EYS: variants seen among roughly 807,000 people sequenced by gnomAD.
The protein encoded by EYS is EGF-like photoreceptor maintenance factor.
In EYS, 250 loss-of-function variants were observed where a neutral mutation model predicts 282.1. The observed-to-expected ratio is 0.89, with a 90% CI of 0.80 to 0.98. EYS has a LOEUF of 0.98. Ranked by LOEUF, EYS falls within the 50% of genes least tolerant of loss-of-function variation. The pLI is 0.00. For synonymous variants in EYS, 1,355 were observed against 1,282.9 expected (o/e 1.06, Z -1.20); for missense variants, 4,016 against 3,709.0 (o/e 1.08, Z -2.15).
intron 2 of EYS, among the ~76,000 whole-genome samples, chr6:65,562,453 G>C (rs2127346174): frequency 6.6e-6 from 1 of 152,058 alleles, no homozygotes; most frequent in South Asian, 2.1e-4. Flanking sequence ...AGAATGGAAA[G>C]AATGAAAGGA....
At chr6:64,110,016 T>C (rs74982455) in intron 31 of EYS, among the ~76,000 whole-genome samples, 1 of 152,218 alleles carries the variant, frequency 6.6e-6, no homozygotes, top group East Asian at 1.9e-4. Flanking sequence ...CAGCTAGAGA[T>C]TGCAAACACA....
chr6:65,125,518 T>C (rs1310509344), intron 12 of EYS, among the ~76,000 whole-genome samples: 1 of 152,218 alleles, frequency 6.6e-6, no homozygotes, highest in Non-Finnish European at 1.5e-5. Flanking sequence ...TATTTCAATG[T>C]TACCAATGTT....
intron 36 of EYS, among the ~76,000 whole-genome samples, chr6:63,808,174 G>C (rs969961133): frequency 1.3e-5 from 2 of 152,108 alleles, no homozygotes; most frequent in African/African-American, 4.8e-5. Flanking sequence ...CATTTATTCA[G>C]CTGAACTGGA....
At chr6:64,668,045 G>A (rs1479406732) in intron 22 of EYS, among the ~76,000 whole-genome samples, 1 of 152,110 alleles carries the variant, frequency 6.6e-6, no homozygotes, top group Non-Finnish European at 1.5e-5. Context: ...TAACTTCTCA[G>A]ATAAGGTTAC....
At chr6:65,705,176 A>C (rs1769831235) in intron 1 of EYS, among the ~76,000 whole-genome samples, 1 of 152,208 alleles carries the variant, frequency 6.6e-6, no homozygotes, top group Admixed American at 6.5e-5. Context: ...GATTTTCATT[A>C]AGATTATTAA....
chr6:65,190,508 A>G (rs1765617084), intron 12 of EYS, among the ~76,000 whole-genome samples: 1 of 151,528 alleles, frequency 6.6e-6, no homozygotes, highest in Non-Finnish European at 1.5e-5. Flanking sequence ...TGTCTGACGA[A>G]TAAGTTGTCT....
At chr6:63,982,522 T>A (rs1767146568) in intron 35 of EYS, among the ~76,000 whole-genome samples, 1 of 151,878 alleles carries the variant, frequency 6.6e-6, no homozygotes, top group African/African-American at 2.4e-5. Context: ...TCTTGTTGGC[T>A]GGAGGCTGCC....
chr6:64,030,938 G>A (rs577213643), intron 33 of EYS, among the ~76,000 whole-genome samples: 352 of 152,350 alleles, frequency 2.3e-3, no homozygotes, highest in African/African-American at 7.9e-3. Flanking sequence ...TAGCTAGAGC[G>A]GTCATCGGCC....
At chr6:64,307,655 A>T (rs1235813012) in intron 29 of EYS, among the ~76,000 whole-genome samples, 1 of 152,128 alleles carries the variant, frequency 6.6e-6, no homozygotes, top group Non-Finnish European at 1.5e-5. Flanking sequence ...CATGAGGATT[A>T]TAGTTAAAAA....
At chr6:64,803,148 G>C (rs1211381298) in intron 22 of EYS, among the ~76,000 whole-genome samples, 2 of 152,196 alleles carry the variant, frequency 1.3e-5, no homozygotes, top group African/African-American at 4.8e-5. Flanking sequence ...ACAGCTCTTA[G>C]GAGGCCCGAA....
Position 64,493,556 on chromosome 6 carries a change from C to T in EYS, c.5645-54204G>A, listed in dbSNP as rs555861843. On this transcript the variant is annotated intron_variant, in intron 26 of 42. Transcript: ENST00000503581. ...CAGAATTTTTCTAACCTCCTGCAGT[C>T]TTTCTATATCAGTAGGTCCCCTTCA... Among the ~76,000 whole-genome samples, 3 of 151,642 alleles carry T rather than the reference C, an allele frequency of 2.0e-5. No homozygotes were observed. The Admixed American group carries it at 2.0e-4, about 10-fold the overall frequency.
intron 26 of EYS, among the ~76,000 whole-genome samples, chr6:64,580,773 A>G (rs945200291): frequency 6.6e-6 from 1 of 152,142 alleles, no homozygotes; most frequent in African/African-American, 2.4e-5. Context: ...GTCCATTTAG[A>G]GAGAACTGCA....
At chr6:64,031,943 C>G (rs1318805753) in intron 33 of EYS, among the ~76,000 whole-genome samples, 1 of 152,202 alleles carries the variant, frequency 6.6e-6, no homozygotes, top group African/African-American at 2.4e-5. Flanking sequence ...CCCTTCCACA[C>G]TGTGGAAGCT....
intron 31 of EYS, among the ~76,000 whole-genome samples, chr6:64,175,538 G>A (rs1314777545): frequency 6.6e-6 from 1 of 152,164 alleles, no homozygotes; most frequent in Non-Finnish European, 1.5e-5. Context: ...ATAAGGGGAG[G>A]TAATTCATTC....
intron 30 of EYS, among the ~76,000 whole-genome samples, chr6:64,264,192 T>A (rs536597690): frequency 1.8e-4 from 28 of 152,278 alleles, no homozygotes; most frequent in Middle Eastern, 3.4e-3. Context: ...ATGTACTAGC[T>A]AATAGTGATT....
intron 13 of EYS, among the ~76,000 whole-genome samples, chr6:65,027,020 G>GTTTT (rs1172171512): frequency 1.5e-5 from 2 of 129,666 alleles, no homozygotes; most frequent in African/African-American, 6.4e-5. Context: ...TTTGTAATGT[G>GTTTT]TGTTTTTTTT....
intron 12 of EYS, among the ~76,000 whole-genome samples, chr6:65,068,411 A>G (rs997629337): frequency 6.6e-6 from 1 of 152,054 alleles, no homozygotes; most frequent in Non-Finnish European, 1.5e-5. Context: ...CTTGTTGCCC[A>G]TTCTCAATTT....
intron 19 of EYS, among the ~76,000 whole-genome samples, chr6:64,852,619 G>T (rs551632657): frequency 3.3e-5 from 5 of 152,212 alleles, no homozygotes; most frequent in East Asian, 3.9e-4. Context: ...ATGTAATAAA[G>T]TTAAGATGAG....
At chr6:64,278,732 C>CTCTCTCTCTCTCTCTCTCTT (rs1305171736) in intron 30 of EYS, among the ~76,000 whole-genome samples, 41 of 152,134 alleles carry the variant, frequency 2.7e-4, no homozygotes, top group Middle Eastern at 3.4e-3. Flanking sequence ...CTCTCTCTCT[C>CTCTCTCTCTCTCTCTCTCTT]TCTCTCTTTC....
Sources: gnomAD v4.1 joint callset for allele counts (sites outside exome capture counted in the v4.1 genomes callset) on GRCh38, gnomAD v4.1.1 for gene constraint, MANE v1.5 for transcripts, NCBI Gene and HGNC (gene_info 2026-07-23, HGNC 2026-07-21) for gene names.